The following TSHB variants were observed in gnomAD, a reference collection of about 807,000 sequenced individuals.
The protein encoded by TSHB is thyrotropin subunit beta.
Under a neutral mutation model 9.3 loss-of-function variants are expected in TSHB, and 9 were observed. The ratio of observed to expected loss-of-function variants is 0.97; its 90% CI spans 0.58 to 1.69. The LOEUF (loss-of-function observed/expected upper bound fraction) is 1.69, where lower values mean the gene tolerates loss of function less well. Among genes scored for constraint, TSHB ranks in the 40% most tolerant of loss-of-function variants. The pLI is 0.00. For synonymous variants in TSHB, 57 were observed against 57.2 expected, an observed-to-expected ratio of 1.00 and a Z score of 0.01; for missense variants, 182 against 168.5, an observed-to-expected ratio of 1.08 and a Z score of -0.44.
intron 1 of TSHB, among the ~76,000 whole-genome samples, chr1:115,030,299 T>A (rs1674868576): frequency 6.6e-6 from 1 of 152,052 alleles, no homozygotes; most frequent in Admixed American, 6.6e-5. Context: ...TACTCTGTAT[T>A]ATAAGTTCTT....
At position 115,034,066 on chromosome 1, in the gene TSHB, G is replaced by C; in HGVS notation, c.256G>C (p.Gly86Arg). The C allele has an allele frequency of 1.2e-6, 2 of 1,613,760 alleles. No homozygotes were observed. The highest frequency in any genetic ancestry group is 1.7e-6 in the Non-Finnish European group (2 of 1,179,768). The change falls in exon 3 of 3, where the codon GGA becomes CGA. Residue 86 changes from glycine to arginine, a missense_variant. Coordinates refer to ENST00000256592, the MANE Select transcript of TSHB (RefSeq NM_000549.5). ...CATCTACAGGACTGTAGAAATACCA[G>C]GATGCCCACTCCATGTTGCTCCCTA... is the stretch of plus-strand genomic sequence containing the variant. ...DFIYRTVEIPGCPLHVAPYFS... is the reference protein window; with the variant it reads ...DFIYRTVEIPRCPLHVAPYFS...
At chr1:115,033,936 C>T (rs1335881643) in intron 2 of TSHB, 37 bp from the exon 3 acceptor site, 1 of 1,609,408 alleles carries the variant, frequency 6.2e-7, no homozygotes, top group Non-Finnish European at 8.5e-7. Context: ...TCCTAAAGTC[C>T]TGTCACATTA....
chr1:115,034,052 C>T lies in TSHB; in HGVS notation c.242C>T (p.Thr81Ile). 1 of 1,613,856 alleles carries T rather than the reference C, an allele frequency of 6.2e-7. No homozygotes were observed. The highest frequency in any genetic ancestry group is 8.5e-7 in the Non-Finnish European group (1 of 1,179,800). The change falls in exon 3 of 3, where the codon ACT (threonine) becomes ATT (isoleucine). Residue 81 changes from threonine (T) to isoleucine (I), a missense_variant. Coordinates refer to ENST00000256592, the MANE Select transcript of TSHB (RefSeq NM_000549.5). Reference protein sequence around the residue: ...VCTYRDFIYRTVEIPGCPLHV... With the variant: ...VCTYRDFIYRIVEIPGCPLHV... ...ACATATAGAGACTTCATCTACAGGA[C>T]TGTAGAAATACCAGGATGCCCACTC... is the stretch of plus-strand genomic sequence containing the variant.
chr1:115,031,891 C>A (rs1674901340), intron 1 of TSHB, among the ~76,000 whole-genome samples: 2 of 151,970 alleles, frequency 1.3e-5, no homozygotes, highest in African/African-American at 4.8e-5. Flanking sequence ...GTGAGAAAAA[C>A]CCCTGTTATT....
chr1:115,032,096 G>A (rs1228115042), intron 1 of TSHB, among the ~76,000 whole-genome samples: 1 of 151,946 alleles, frequency 6.6e-6, no homozygotes, highest in African/African-American at 2.4e-5. Context: ...CAGCCCTTTA[G>A]GTAAAGGACC....
In TSHB at chr1:115,034,153, T is replaced by C; in HGVS notation, c.343T>C (p.Cys115Arg). ...CAAGTGCAATACTGACTATAGTGACTGCATACATGAAGCCATCAAGACAAA... is the reference window on the plus strand; with the variant it reads ...CAAGTGCAATACTGACTATAGTGACCGCATACATGAAGCCATCAAGACAAA... Reference protein sequence around the residue: ...CGKCNTDYSDCIHEAIKTNYC... With the variant: ...CGKCNTDYSDRIHEAIKTNYC... Residue 115 changes from cysteine to arginine, a missense_variant, in exon 3 of 3, where the codon TGC (cysteine) becomes CGC (arginine). Coordinates refer to ENST00000256592, the MANE Select transcript of TSHB (RefSeq NM_000549.5). 1 of 1,613,872 alleles carries C rather than the reference T, an allele frequency of 6.2e-7. No homozygotes were observed. The highest frequency in any genetic ancestry group is 8.5e-7 in the Non-Finnish European group (1 of 1,179,788).
At chr1:115,031,374 A>G (rs1467524641) in intron 1 of TSHB, among the ~76,000 whole-genome samples, 1 of 152,026 alleles carries the variant, frequency 6.6e-6, no homozygotes, top group Non-Finnish European at 1.5e-5. Flanking sequence ...CATTTTAAAA[A>G]GGGTCAGGTG....
rs761149235 is a variant in TSHB at position 115,034,259 on chromosome 1, G to A, written c.*32G>A. The A allele has an allele frequency of 8.1e-6, 13 of 1,603,276 alleles. No individual in the cohort carries two copies. Among genetic ancestry groups the A allele is most frequent in the Middle Eastern group, 1.7e-4 (1 of 6,048 alleles). ...TATAATTTGCAATTTGGTTAAATGT[G>A]CTTGCCTGAAATAAAGCTAATAAAA... On this transcript the variant is annotated 3_prime_UTR_variant, in exon 3 of 3. Transcript: ENST00000256592.
chr1:115,032,366 T>G (rs1674910517), intron 1 of TSHB, among the ~76,000 whole-genome samples: 1 of 152,062 alleles, frequency 6.6e-6, no homozygotes, highest in African/African-American at 2.4e-5. Flanking sequence ...TTAGTGTATA[T>G]AGCTTAAAGA....
intron 1 of TSHB, among the ~76,000 whole-genome samples, chr1:115,030,856 G>A (rs186115580): frequency 6.6e-6 from 1 of 152,010 alleles, no homozygotes; most frequent in South Asian, 2.1e-4. Context: ...TTCTTATATA[G>A]AGAGCCAAGT....
At chr1:115,031,211 A>G (rs1007482307) in intron 1 of TSHB, among the ~76,000 whole-genome samples, 8 of 152,048 alleles carry the variant, frequency 5.3e-5, no homozygotes, top group Non-Finnish European at 8.8e-5. Flanking sequence ...TTATGCCCAC[A>G]AAGTTGTACA....
chr1:115,033,142 G>A (rs899659406), intron 1 of TSHB, among the ~76,000 whole-genome samples: 4 of 151,864 alleles, frequency 2.6e-5, no homozygotes, highest in Admixed American at 6.6e-5. Flanking sequence ...GTGGGATCAG[G>A]GGGTTCCTAG....
At position 115,033,861 on chromosome 1, in the gene TSHB, C is replaced by G. The variant is rs28566771; in HGVS notation, c.163-112C>G. 0.48 allele frequency: 696,921 copies of G among 1,458,986 alleles called. 168,506 individuals are homozygous for G. Among genetic ancestry groups the G allele is most frequent in the Middle Eastern group, 0.51 (2,930 of 5,702 alleles). 90.4% of individuals were successfully genotyped at this position (1,458,986 alleles called of 1,614,324 possible). A position where few individuals can be genotyped will look rare whatever the true frequency, so the allele number is the denominator to read the frequency against. On this transcript the variant is annotated intron_variant, in intron 2 of 2. Coordinates refer to ENST00000256592, the MANE Select transcript of TSHB (RefSeq NM_000549.5). ...GAGAATGGGGCTAAGCAATTCTTTC[C>G]CAGTTGTATTTGTGATGAAGGAATA...
chr1:115,031,738 T>G (rs968864231), intron 1 of TSHB, among the ~76,000 whole-genome samples: 1 of 152,014 alleles, frequency 6.6e-6, no homozygotes, highest in Non-Finnish European at 1.5e-5. Flanking sequence ...CTCTGTACCA[T>G]AGAGGGAGCT....
intron 1 of TSHB, among the ~76,000 whole-genome samples, chr1:115,032,503 A>G (rs1184223103): frequency 3.3e-5 from 5 of 151,980 alleles, no homozygotes; most frequent in African/African-American, 1.2e-4. Flanking sequence ...AGACCACAAT[A>G]CTACTCCATT....
chr1:115,030,994 CACTA>C lies in TSHB; in HGVS notation c.-2+1138_-2+1141del, dbSNP rs1411676063. Among the ~76,000 whole-genome samples, 6 of 127,926 alleles carry C rather than the reference CACTA, an allele frequency of 4.7e-5. No homozygotes were observed. In the East Asian group the frequency reaches 1.2e-3, roughly 26 times the overall value. 83.9% of individuals were successfully genotyped at this position (127,926 alleles called of 152,430 possible). A position where few individuals can be genotyped will look rare whatever the true frequency, so the allele number is the denominator to read the frequency against. On this transcript the variant is annotated intron_variant, in intron 1 of 2. Transcript: ENST00000256592. ...TTAAATCCTTAAGTAGAATTTAGAT[CACTA>C]ACTCTTAATCAATCAATCAGATCTG...
At chr1:115,032,127 T>C (rs1674906082) in intron 1 of TSHB, among the ~76,000 whole-genome samples, 1 of 152,064 alleles carries the variant, frequency 6.6e-6, no homozygotes, top group South Asian at 2.1e-4. Flanking sequence ...CGTTTGTGTT[T>C]GTCAGTGCCT....
At chr1:115,030,847 T>C (rs1236861425) in intron 1 of TSHB, among the ~76,000 whole-genome samples, 1 of 152,062 alleles carries the variant, frequency 6.6e-6, no homozygotes, top group East Asian at 1.9e-4. Context: ...ATGTGATCTT[T>C]CTTATATAGA....
At chr1:115,030,301 T>C (rs1341657264) in intron 1 of TSHB, among the ~76,000 whole-genome samples, 1 of 152,086 alleles carries the variant, frequency 6.6e-6, no homozygotes, top group East Asian at 1.9e-4. Flanking sequence ...CTCTGTATTA[T>C]AAGTTCTTTT....
Sources: gnomAD v4.1 joint callset for allele counts (sites outside exome capture counted in the v4.1 genomes callset) on GRCh38, gnomAD v4.1.1 for gene constraint, MANE v1.5 for transcripts, NCBI Gene and HGNC (gene_info 2026-07-23, HGNC 2026-07-21) for gene names.